The following SEM1 variants were observed in gnomAD, a reference collection of about 807,000 sequenced individuals.
The protein encoded by SEM1 is 26S proteasome complex subunit SEM1.
Under a neutral mutation model 12.7 loss-of-function variants are expected in SEM1, and 3 were observed. The observed-to-expected ratio is 0.24, with a 90% CI of 0.11 to 0.61. The LOEUF (loss-of-function observed/expected upper bound fraction) is 0.61, where lower values mean the gene tolerates loss of function less well. SEM1 is among the 20% of genes least tolerant of loss of function. The pLI is 0.88. For synonymous variants in SEM1, 30 were observed against 27.8 expected, an observed-to-expected ratio of 1.08 and a Z score of -0.25; for missense variants, 59 against 81.3, an observed-to-expected ratio of 0.73 and a Z score of 1.06.
intron 2 of SEM1, among the ~76,000 whole-genome samples, chr7:96,643,766 G>C (rs963466128): frequency 3.3e-5 from 5 of 152,066 alleles, no homozygotes; most frequent in African/African-American, 1.2e-4. Flanking sequence ...GAGAACACAT[G>C]GACACAGGGA....
At chr7:96,595,105 A>G (rs982492577) in intron 2 of SEM1, among the ~76,000 whole-genome samples, 2 of 152,210 alleles carry the variant, frequency 1.3e-5, no homozygotes, top group Non-Finnish European at 2.9e-5. Flanking sequence ...AATTTTTAGA[A>G]TTTACATGAA....
downstream of SEM1, among the ~76,000 whole-genome samples, chr7:96,687,120 A>C (rs1051511653): frequency 6.6e-5 from 10 of 152,336 alleles, no homozygotes; most frequent in Admixed American, 5.2e-4. Flanking sequence ...GGCAATCATT[A>C]AAAAGTCAGG....
At chr7:96,666,954 G>C (rs997835077) in intron 2 of SEM1, among the ~76,000 whole-genome samples, 8 of 152,026 alleles carry the variant, frequency 5.3e-5, no homozygotes, top group African/African-American at 1.9e-4. Context: ...TATATCCATG[G>C]CAATCCATGA....
At chr7:96,657,353 C>T (rs1338254701) in intron 2 of SEM1, among the ~76,000 whole-genome samples, 1 of 152,180 alleles carries the variant, frequency 6.6e-6, no homozygotes, top group Non-Finnish European at 1.5e-5. Flanking sequence ...ATGAATTTCA[C>T]AAAATTAAAC....
Position 96,694,861 on chromosome 7 carries a change from G to A in SEM1, c.107C>T (p.Ala36Val). 6.2e-7 allele frequency: 1 copy of A among 1,610,254 alleles called. No individual in the cohort carries two copies. Among genetic ancestry groups the A allele is most frequent in the African/African-American group, 1.3e-5 (1 of 74,894 alleles). The change falls in exon 2 of 3, where the codon GCA (alanine) becomes GTA (valine). Residue 36 changes from alanine to valine, a missense_variant. Ala to Val is a moderately conservative substitution (Grantham distance 64, BLOSUM62 0). Transcript: ENST00000248566. ...DWAGLDEDEDAHVWEDNWDDD... is the reference protein window; with the variant it reads ...DWAGLDEDEDVHVWEDNWDDD... ...ATCCCAATTATCCTCCCAGACATGTGCATCTTCATCTTCATCTAAGCCAGC... is the reference window on the plus strand; with the variant it reads ...ATCCCAATTATCCTCCCAGACATGTACATCTTCATCTTCATCTAAGCCAGC...
At chr7:96,612,796 C>T (rs937177009) in intron 2 of SEM1, among the ~76,000 whole-genome samples, 8 of 152,014 alleles carry the variant, frequency 5.3e-5, no homozygotes, top group East Asian at 1.9e-4. Flanking sequence ...CCACCACACC[C>T]GGCTAATTTT....
rs1267824362 is a variant in SEM1 at position 96,709,772 on chromosome 7, T to C, written c.-9A>G. On this transcript the variant is annotated 5_prime_UTR_variant, in exon 1 of 3. Transcript: ENST00000248566. ...TGCTTTTTCTCTGACATCTCGACTG[T>C]CCGCGCCCAACACCTCCCAGATAAG... 2 of 1,613,656 alleles carry C rather than the reference T, an allele frequency of 1.2e-6. No homozygotes were observed. The highest frequency in any genetic ancestry group is 1.7e-5 in the Admixed American group (1 of 59,982).
downstream of SEM1, among the ~76,000 whole-genome samples, chr7:96,684,560 T>C (rs1789707484): frequency 6.6e-6 from 1 of 152,062 alleles, no homozygotes; most frequent in African/African-American, 2.4e-5. Context: ...ACATGAAATA[T>C]GCATTTGAGG....
At chr7:96,552,838 A>G (rs1805331611) in intron 2 of SEM1, among the ~76,000 whole-genome samples, 1 of 150,880 alleles carries the variant, frequency 6.6e-6, no homozygotes, top group Non-Finnish European at 1.5e-5. Context: ...CTATTTCTCC[A>G]CATCCTCTCC....
intron 2 of SEM1, among the ~76,000 whole-genome samples, chr7:96,507,958 A>G (rs986582378): frequency 6.6e-6 from 1 of 152,046 alleles, no homozygotes; most frequent in Non-Finnish European, 1.5e-5. Flanking sequence ...CCAGTTTTCC[A>G]TTCTGTTTCC....
At chr7:96,697,970 G>A (rs567417865) in intron 1 of SEM1, among the ~76,000 whole-genome samples, 21 of 152,026 alleles carry the variant, frequency 1.4e-4, no homozygotes, top group Non-Finnish European at 2.9e-4. Context: ...TACGTAGCAC[G>A]GCACCACTTT....
chr7:96,594,089 A>G (rs1261028826), intron 2 of SEM1, among the ~76,000 whole-genome samples: 2 of 152,170 alleles, frequency 1.3e-5, no homozygotes, highest in South Asian at 2.1e-4. Context: ...TCTAACCAAC[A>G]CTTGGCTTTT....
At chr7:96,641,220 GT>G in intron 2 of SEM1, among the ~76,000 whole-genome samples, 1 of 151,554 alleles carries the variant, frequency 6.6e-6, no homozygotes, top group East Asian at 1.9e-4. Context: ...CCCATTCATA[GT>G]TTTAGCTGTA....
At chr7:96,629,193 G>C (rs751484972) in intron 2 of SEM1, among the ~76,000 whole-genome samples, 4 of 151,938 alleles carry the variant, frequency 2.6e-5, no homozygotes, top group Non-Finnish European at 5.9e-5. Flanking sequence ...TCTAGGTTTG[G>C]GAAGTTCCCT....
chr7:96,491,029 G>T (rs745924503), intron 1 of SEM1, among the ~76,000 whole-genome samples: 2 of 152,168 alleles, frequency 1.3e-5, no homozygotes, highest in Non-Finnish European at 2.9e-5. Flanking sequence ...CTGATGTGGG[G>T]TATACAAATG....
intron 2 of SEM1, among the ~76,000 whole-genome samples, chr7:96,579,507 G>C (rs1361485908): frequency 6.6e-6 from 1 of 152,148 alleles, no homozygotes; most frequent in African/African-American, 2.4e-5. Flanking sequence ...ATCTACATAT[G>C]ATGACCAGAT....
chr7:96,679,663 A>T (rs1789547363), intron 2 of SEM1, among the ~76,000 whole-genome samples: 1 of 152,100 alleles, frequency 6.6e-6, no homozygotes. Flanking sequence ...CATAAGGTTT[A>T]AATTGTCTAG....
At chr7:96,532,673 CT>C (rs1444508274) in intron 2 of SEM1, among the ~76,000 whole-genome samples, 1 of 152,096 alleles carries the variant, frequency 6.6e-6, no homozygotes, top group Non-Finnish European at 1.5e-5. Flanking sequence ...GATGCATCTG[CT>C]TTATGAGTTA....
intron 2 of SEM1, among the ~76,000 whole-genome samples, chr7:96,522,442 C>T (rs1324494436): frequency 2.0e-5 from 3 of 151,972 alleles, no homozygotes; most frequent in Non-Finnish European, 2.9e-5. Context: ...GTTCTGAGGA[C>T]CAGGTCATTG....
Sources: allele counts gnomAD v4.1 joint callset (sites outside exome capture counted in the v4.1 genomes callset), GRCh38; gene constraint gnomAD v4.1.1; transcripts MANE v1.5; gene names NCBI Gene and HGNC (gene_info 2026-07-23, HGNC 2026-07-21).